CCDC30: variants seen among roughly 807,000 people sequenced by gnomAD.
The protein encoded by CCDC30 is coiled-coil domain containing 30.
Under a neutral mutation model 100.2 loss-of-function variants are expected in CCDC30, and 70 were observed. That is an observed-to-expected ratio of 0.70 (90% confidence interval 0.58 to 0.85). The LOEUF (loss-of-function observed/expected upper bound fraction) is 0.85, where lower values mean the gene tolerates loss of function less well. CCDC30 is among the 40% of genes least tolerant of loss of function. The pLI, the probability that CCDC30 is intolerant of heterozygous loss-of-function variation, is 0.00. For missense variants in CCDC30, 652 were observed against 771.2 expected (o/e 0.85, Z 1.83); for synonymous variants, 233 against 269.5 (o/e 0.86, Z 1.33).
intron 6 of CCDC30, among the ~76,000 whole-genome samples, chr1:42,510,484 C>G (rs1362197932): frequency 6.6e-6 from 1 of 152,000 alleles, no homozygotes; most frequent in Non-Finnish European, 1.5e-5. Context: ...TGGTGAAAAC[C>G]CGTCTTTACT....
intron 4 of CCDC30, chr1:42,492,044 T>C: frequency 2.1e-6 from 1 of 473,750 alleles, no homozygotes; most frequent in Non-Finnish European, 3.9e-6. Context: ...GGCATGGATT[T>C]ACCCCTGACG....
the CCDC30 span, chr1:42,456,728 C>T: frequency 1.9e-6 from 3 of 1,609,472 alleles, no homozygotes; most frequent in Non-Finnish European, 2.5e-6. Flanking sequence ...GCGGCCGGTG[C>T]GCTTCCTGGA....
chr1:42,653,946 A>T, exon 17 of CCDC30: 1 of 1,614,184 alleles, frequency 6.2e-7, no homozygotes, highest in Non-Finnish European at 8.5e-7. Context: ...TGTTCACAGA[A>T]TTCTGAGGCT....
At chr1:42,602,750 AGGAGAT>A (rs1570213185) in intron 10 of CCDC30, among the ~76,000 whole-genome samples, 2 of 152,222 alleles carry the variant, frequency 1.3e-5, no homozygotes, top group East Asian at 3.8e-4. Context: ...TAGTCTCTTT[AGGAGAT>A]GGAAGCAGAG....
intron 11 of CCDC30, among the ~76,000 whole-genome samples, chr1:42,628,703 C>T (rs1368716643): frequency 6.6e-6 from 1 of 152,084 alleles, no homozygotes; most frequent in Non-Finnish European, 1.5e-5. Context: ...TTGCCACTGC[C>T]GTGTAAGAAG....
Position 42,596,743 on chromosome 1 carries a change from A to G in CCDC30, c.1164+7260A>G, listed in dbSNP as rs1338042319. On this transcript the variant is annotated intron_variant, in intron 10 of 16. Coordinates refer to ENST00000668663, the Ensembl canonical transcript of CCDC30. This position sits in a 1 kb window ranked among gnomAD's most constrained non-coding sequence, Gnocchi z 4.3. The stretch of plus-strand genomic sequence containing the variant: ...AAGACACGCTAAAAGGCAAAAAAAC[A>G]AACAAACAAACAAACAAAAACAGTT... 1.1e-5 allele frequency among the ~76,000 whole-genome samples: 1 copy of G among 88,184 alleles called. No homozygotes were observed. The highest frequency in any genetic ancestry group is 4.1e-5 in the African/African-American group (1 of 24,526). 57.9% of individuals were successfully genotyped at this position (88,184 alleles called of 152,430 possible). A position where few individuals can be genotyped will look rare whatever the true frequency, so the allele number is the denominator to read the frequency against.
intron 6 of CCDC30, among the ~76,000 whole-genome samples, chr1:42,502,489 A>G (rs1386434602): frequency 1.3e-5 from 2 of 152,138 alleles, no homozygotes; most frequent in East Asian, 3.9e-4. Flanking sequence ...ACTGTCTGAG[A>G]AGCCCCAGTA....
At chr1:42,582,059 CAAAAAAAAAA>C (rs770972866) in intron 9 of CCDC30, among the ~76,000 whole-genome samples, 1 of 99,092 alleles carries the variant, frequency 1.0e-5, no homozygotes, top group South Asian at 3.5e-4. Context: ...TTGTCTATAC[CAAAAAAAAAA>C]AAAAAAAAAA....
At chr1:42,547,723 T>C (rs1570010739) in intron 6 of CCDC30, among the ~76,000 whole-genome samples, 1 of 152,322 alleles carries the variant, frequency 6.6e-6, no homozygotes, top group East Asian at 1.9e-4. Flanking sequence ...CCTACTTGTT[T>C]ATCTCCTATT....
chr1:42,651,851 G>T (rs1481056965), intron 15 of CCDC30, among the ~76,000 whole-genome samples: 1 of 152,156 alleles, frequency 6.6e-6, no homozygotes, highest in Non-Finnish European at 1.5e-5. Flanking sequence ...TCCAGCCTGG[G>T]TGACAGAGCA....
chr1:42,645,346 G>A (rs778751923), intron 14 of CCDC30, among the ~76,000 whole-genome samples: 5 of 152,148 alleles, frequency 3.3e-5, no homozygotes, highest in Admixed American at 6.6e-5. Context: ...CCTAAAGAGA[G>A]CATCTGAGTG....
At chr1:42,644,587 G>A in intron 13 of CCDC30, 106 bp from the exon 18 acceptor site, 1 of 671,164 alleles carries the variant, frequency 1.5e-6, no homozygotes, top group Non-Finnish European at 2.6e-6. Context: ...CTAAAATCTG[G>A]ACAGTAGTCT....
intron 11 of CCDC30, among the ~76,000 whole-genome samples, chr1:42,634,983 G>T (rs1486843915): frequency 1.3e-5 from 2 of 151,982 alleles, no homozygotes; most frequent in Admixed American, 1.3e-4. Context: ...TGCTTTCAAG[G>T]TTCATGTTGT....
intron 12 of CCDC30, among the ~76,000 whole-genome samples, chr1:42,642,239 AC>A (rs373298140): frequency 5.8e-4 from 87 of 150,464 alleles, no homozygotes; most frequent in Middle Eastern, 3.4e-3. Flanking sequence ...AAACAAACAA[AC>A]AAAAAAATAT....
intron 10 of CCDC30, chr1:42,594,999 T>C (rs1646256658): frequency 1.3e-5 from 2 of 150,376 alleles, no homozygotes; most frequent in Admixed American, 6.6e-5. Context: ...TAGCTAAGTC[T>C]TCCGTAGGTA....
intron 6 of CCDC30, among the ~76,000 whole-genome samples, chr1:42,561,823 A>C (rs1645494421): frequency 6.6e-6 from 1 of 152,186 alleles, no homozygotes; most frequent in African/African-American, 2.4e-5. Flanking sequence ...GCAAGCAGAG[A>C]ATCAAATCAT....
chr1:42,530,528 T>C (rs1274168439), intron 6 of CCDC30, among the ~76,000 whole-genome samples: 6 of 151,964 alleles, frequency 3.9e-5, no homozygotes, highest in Non-Finnish European at 8.8e-5. Context: ...AAATTTAAAG[T>C]ATAGAACAGG....
At chr1:42,488,166 C>T (rs180738468) in intron 3 of CCDC30, among the ~76,000 whole-genome samples, 5 of 150,868 alleles carry the variant, frequency 3.3e-5, no homozygotes, top group African/African-American at 4.9e-5. Flanking sequence ...TTTTTTAAAT[C>T]GATGCTAACC....
Position 42,589,548 on chromosome 1 carries a change from T to C in CCDC30, c.1164+65T>C, listed in dbSNP as rs145371456. On this transcript the variant is annotated intron_variant, in intron 10 of 16. Transcript: ENST00000668663. ...CCCATTAGTAACAGCTAATTATTATTGAGTGCCTAGCACTTTACTAAACCT... is the reference window on the plus strand; with the variant it reads ...CCCATTAGTAACAGCTAATTATTATCGAGTGCCTAGCACTTTACTAAACCT... The C allele has an allele frequency of 1.2e-5, 17 of 1,404,184 alleles. No individual in the cohort carries two copies. In the African/African-American group the frequency reaches 2.3e-4, roughly 19 times the overall value. 87.0% of individuals were successfully genotyped at this position (1,404,184 alleles called of 1,614,324 possible).
Sources: allele counts gnomAD v4.1 joint callset (sites outside exome capture counted in the v4.1 genomes callset), GRCh38; gene constraint gnomAD v4.1.1; non-coding constraint Gnocchi (gnomAD v3.1); transcripts MANE v1.5; gene names NCBI Gene and HGNC (gene_info 2026-07-23, HGNC 2026-07-21).